Variants in ABLIM2 observed in about 807,000 individuals in gnomAD.
ABLIM2 encodes actin binding LIM protein family member 2.
ABLIM2 carries 53 observed loss-of-function variants against 97.7 expected under a neutral mutation model. That is an observed-to-expected ratio of 0.54 (90% CI 0.44 to 0.68). The LOEUF (loss-of-function observed/expected upper bound fraction) is 0.68. ABLIM2 is among the 30% of genes least tolerant of loss of function. The pLI is 0.00. For synonymous variants in ABLIM2, 361 were observed against 345.8 expected (o/e 1.04, Z -0.49); for missense variants, 835 against 867.2 (o/e 0.96, Z 0.47).
At chr4:7,982,796 C>T (rs35035871) in intron 20 of ABLIM2, among the ~76,000 whole-genome samples, 10,619 of 152,118 alleles carry the variant, frequency 0.07, 386 homozygotes, top group Non-Finnish European at 0.08. Flanking sequence ...CTCTGCCTCC[C>T]GGGTTCAAGT....
In ABLIM2 at chr4:8,037,776, G is replaced by A. The variant is rs780616343; in HGVS notation, c.901-1481C>T. Among the ~76,000 whole-genome samples the A allele has an allele frequency of 2.0e-5, 3 of 152,312 alleles. 1 individual carries two copies. Among genetic ancestry groups the A allele is most frequent in the African/African-American group, 4.8e-5 (2 of 41,570 alleles). On this transcript the variant is annotated intron_variant, in intron 9 of 20. Coordinates refer to ENST00000447017, the MANE Select transcript of ABLIM2 (RefSeq NM_001130083.2). ...AGCTGGGACACCCCTCAGCAGGGTC[G>A]GGGGCCCTTCTGTCCTGTCTACCTC... is the stretch of plus-strand genomic sequence containing the variant.
rs972129647 is a variant in ABLIM2, at chr4:8,140,748, C to T, written c.10+17932G>A. On this transcript the variant is annotated intron_variant, in intron 1 of 20. Transcript: ENST00000447017. This position sits in a 1 kb window ranked among gnomAD's most constrained non-coding sequence, Gnocchi z 5.9. The stretch of plus-strand genomic sequence containing the variant: ...AGGCCAGCAGAGAGTAGCACCCAGA[C>T]ACATGTGGAAGGAGGGAAAGGGCTG... 6.6e-6 allele frequency among the ~76,000 whole-genome samples: 1 copy of T among 152,024 alleles called. No individual in the cohort carries two copies. Among genetic ancestry groups the T allele is most frequent in the Non-Finnish European group, 1.5e-5 (1 of 68,024 alleles).
In ABLIM2 at chr4:8,105,200, G is replaced by A. The variant is rs899600384; in HGVS notation, c.154+1294C>T. 2.0e-5 allele frequency among the ~76,000 whole-genome samples: 3 copies of A among 152,174 alleles called. No individual in the cohort carries two copies. The East Asian group carries it at 5.8e-4, about 29-fold the overall frequency. Reference sequence around the variant, plus strand: ...TGCCAGGCAGATTTCTACTCCCGAGGTTCTAGCCAGCACGCCACCTCCTCT... The same window carrying A: ...TGCCAGGCAGATTTCTACTCCCGAGATTCTAGCCAGCACGCCACCTCCTCT... On this transcript the variant is annotated intron_variant, in intron 2 of 20. Transcript: ENST00000447017.
rs1368517821 is a variant in ABLIM2 at position 8,021,696 on chromosome 4, G to T, written c.1268-1393C>A. Among the ~76,000 whole-genome samples, 3 of 152,254 alleles carry T rather than the reference G, an allele frequency of 2.0e-5. No individual in the cohort carries two copies. Among genetic ancestry groups the T allele is most frequent in the Non-Finnish European group, 4.4e-5 (3 of 68,048 alleles). On this transcript the variant is annotated intron_variant, in intron 12 of 20. Coordinates refer to ENST00000447017, the MANE Select transcript of ABLIM2 (RefSeq NM_001130083.2). The surrounding 1 kb of genome is among the most constrained non-coding windows in gnomAD (Gnocchi z 5.5). ...GGCCCAGAGGGGGCTCTTGCCTGGT[G>T]GTGGGCTGCATGCAGCGGGAGGTCA... is the stretch of plus-strand genomic sequence containing the variant.
At chr4:8,007,388 A>T (rs1013937012) in intron 16 of ABLIM2, 8 of 985,300 alleles carry the variant, frequency 8.1e-6, no homozygotes, top group East Asian at 2.3e-4. Flanking sequence ...GCTAAGCCCA[A>T]GCCTTGCCCA....
intron 9 of ABLIM2, among the ~76,000 whole-genome samples, chr4:8,042,100 A>T (rs892859233): frequency 6.6e-6 from 1 of 152,162 alleles, no homozygotes; most frequent in Non-Finnish European, 1.5e-5. Flanking sequence ...GAGCCACAGC[A>T]TGCTGAGGAC....
chr4:7,977,457 T>C (rs1472616889), intron 20 of ABLIM2, among the ~76,000 whole-genome samples: 5 of 152,148 alleles, frequency 3.3e-5, no homozygotes, highest in Non-Finnish European at 7.4e-5. Context: ...ACGTCCCCTG[T>C]GGGAACCACA....
chr4:8,062,685 C>T (rs376943512), intron 6 of ABLIM2, among the ~76,000 whole-genome samples: 6 of 152,132 alleles, frequency 3.9e-5, no homozygotes, highest in East Asian at 1.9e-4. Context: ...GTGATCCGCC[C>T]GCCTCAGCCT....
At chr4:8,134,481 G>T (rs777220666) in intron 1 of ABLIM2, among the ~76,000 whole-genome samples, 6 of 152,208 alleles carry the variant, frequency 3.9e-5, no homozygotes, top group Non-Finnish European at 8.8e-5. Flanking sequence ...TCGGCAAGAA[G>T]AACGCATGCT....
rs1790855427 is a variant in ABLIM2, at chr4:8,044,480, T to C, written c.900+684A>G. Among the ~76,000 whole-genome samples the C allele has an allele frequency of 6.6e-6, 1 of 151,828 alleles. No homozygotes were observed. On this transcript the variant is annotated intron_variant, in intron 9 of 20. Transcript: ENST00000447017. The surrounding 1 kb of genome is among the most constrained non-coding windows in gnomAD (Gnocchi z 4.4). The stretch of plus-strand genomic sequence containing the variant: ...ACATATGTATATGTATGTATACATA[T>C]ATAAATTTAAATATACAATATTAAA...
Position 8,068,115 on chromosome 4 carries a change from C to T in ABLIM2, c.676-7061G>A, listed in dbSNP as rs945272294. On this transcript the variant is annotated intron_variant, in intron 6 of 20. Transcript: ENST00000447017. This position sits in a 1 kb window ranked among gnomAD's most constrained non-coding sequence, Gnocchi z 4.5. The stretch of plus-strand genomic sequence containing the variant: ...GTCATCGGTACAGTGGCCACATCCT[C>T]CCAATTGCCACCCGAGGAGTGCCTG... 1.3e-5 allele frequency among the ~76,000 whole-genome samples: 2 copies of T among 152,126 alleles called. No individual in the cohort carries two copies. The highest frequency in any genetic ancestry group is 2.9e-5 in the Non-Finnish European group (2 of 68,020).
At position 7,969,730 on chromosome 4, in the gene ABLIM2, G is replaced by GAC. The variant is rs56236019; in HGVS notation, c.1825-2629_1825-2628dup. 4.9e-3 allele frequency among the ~76,000 whole-genome samples: 681 copies of GAC among 139,684 alleles called. 14 individuals carry two copies. Among genetic ancestry groups the GAC allele is most frequent in the Middle Eastern group, 0.024 (7 of 286 alleles). The allele number at this position is 139,684 out of a possible 152,430, so 91.6% of individuals were successfully genotyped here. The stretch of plus-strand genomic sequence containing the variant: ...TCAGTCTCTCTTTCTCTCTCTCTCT[G>GAC]ACACACACACACACACACACACACA... On this transcript the variant is annotated intron_variant, in intron 20 of 20. Transcript: ENST00000447017.
rs978797717 is a variant in ABLIM2 at position 8,003,780 on chromosome 4, G to A, written c.1618+4279C>T. On this transcript the variant is annotated intron_variant, in intron 16 of 20. Coordinates refer to ENST00000447017, the MANE Select transcript of ABLIM2 (RefSeq NM_001130083.2). This position sits in a 1 kb window ranked among gnomAD's most constrained non-coding sequence, Gnocchi z 4.2. ...GGGTTTCACCATGTTGGTCAGGCTGGTCTCGAACTCCTGACCTCAGGTGAT... is the reference window on the plus strand; with the variant it reads ...GGGTTTCACCATGTTGGTCAGGCTGATCTCGAACTCCTGACCTCAGGTGAT... 6.6e-6 allele frequency among the ~76,000 whole-genome samples: 1 copy of A among 151,978 alleles called. No individual in the cohort carries two copies. Among genetic ancestry groups the A allele is most frequent in the Non-Finnish European group, 1.5e-5 (1 of 67,974 alleles).
intron 14 of ABLIM2, among the ~76,000 whole-genome samples, chr4:8,017,939 G>T (rs1349641224): frequency 1.3e-5 from 2 of 151,052 alleles, no homozygotes; most frequent in African/African-American, 4.9e-5. Context: ...GTTGCAGTAA[G>T]CCAAGATCGC....
In ABLIM2 at chr4:8,095,294, G is replaced by A. The variant is rs1188166756; in HGVS notation, c.338+1805C>T. ...AATTTTTAAATTTTTTGTAGAGACA[G>A]GGTCTTGCTATGTCACGCAGGCTGA... On this transcript the variant is annotated intron_variant, in intron 3 of 20. Transcript: ENST00000447017. This position sits in a 1 kb window ranked among gnomAD's most constrained non-coding sequence, Gnocchi z 4.7. Among the ~76,000 whole-genome samples, 2 of 152,052 alleles carry A rather than the reference G, an allele frequency of 1.3e-5. No homozygotes were observed. The highest frequency in any genetic ancestry group is 4.8e-5 in the African/African-American group (2 of 41,388).
chr4:8,010,404 A>G (rs746191958), intron 14 of ABLIM2: 1 of 985,904 alleles, frequency 1.0e-6, no homozygotes, highest in African/African-American at 1.7e-5. Context: ...GGCCTCAGGA[A>G]GGACACGCCG....
In ABLIM2 at chr4:8,061,914, A is replaced by G. The variant is rs1356573012; in HGVS notation, c.676-860T>C. ...GTTTTCCCTGTCCTGTGCCTTCCCT[A>G]GGATGAAAACAGCCCCGAGATGGCC... On this transcript the variant is annotated intron_variant, in intron 6 of 20. Transcript: ENST00000447017. This position sits in a 1 kb window ranked among gnomAD's most constrained non-coding sequence, Gnocchi z 4.5. 1.3e-5 allele frequency among the ~76,000 whole-genome samples: 2 copies of G among 152,158 alleles called. No individual in the cohort carries two copies. Among genetic ancestry groups the G allele is most frequent in the African/African-American group, 4.8e-5 (2 of 41,442 alleles).
chr4:8,102,852 G>A (rs763598137), intron 2 of ABLIM2, among the ~76,000 whole-genome samples: 3 of 152,238 alleles, frequency 2.0e-5, no homozygotes, highest in Non-Finnish European at 2.9e-5. Context: ...CGAGCCCCCC[G>A]TTCCTCTTTG....
intron 1 of ABLIM2, among the ~76,000 whole-genome samples, chr4:8,146,219 G>A (rs944725023): frequency 6.6e-6 from 1 of 152,146 alleles, no homozygotes; most frequent in Non-Finnish European, 1.5e-5. Flanking sequence ...ATGGTCTAGG[G>A]CAGTCCTCAG....
Sources: allele counts gnomAD v4.1 joint callset (sites outside exome capture counted in the v4.1 genomes callset), GRCh38; gene constraint gnomAD v4.1.1; non-coding constraint Gnocchi (gnomAD v3.1); transcripts MANE v1.5; gene names NCBI Gene and HGNC (gene_info 2026-07-23, HGNC 2026-07-21).